The following PLPPR4 variants were observed in gnomAD, a reference collection of about 807,000 sequenced individuals.
PLPPR4 encodes phospholipid phosphatase-related protein type 4.
PLPPR4 carries 24 observed loss-of-function variants against 56.6 expected under a neutral mutation model. The ratio of observed to expected loss-of-function variants is 0.42; its 90% CI spans 0.31 to 0.60. PLPPR4 has a LOEUF of 0.60. Ranked by LOEUF, PLPPR4 falls within the 20% of genes least tolerant of loss-of-function variation. The probability of loss-of-function intolerance (pLI) is 0.13; values close to 1 mark genes in which losing one functional copy is unlikely to be tolerated. For synonymous variants in PLPPR4, 326 were observed against 328.1 expected, an observed-to-expected ratio of 0.99 and a Z score of 0.07; for missense variants, 654 against 885.8, an observed-to-expected ratio of 0.74 and a Z score of 3.32.
intron 1 of PLPPR4, among the ~76,000 whole-genome samples, chr1:99,282,630 T>C (rs563059714): frequency 1.6e-4 from 25 of 152,290 alleles, no homozygotes; most frequent in African/African-American, 6.0e-4. Context: ...CACCTCTGCT[T>C]GAACTCTCCA....
intron 2 of PLPPR4, among the ~76,000 whole-genome samples, chr1:99,290,331 TAGAA>T (rs1428330246): frequency 6.6e-6 from 1 of 152,086 alleles, no homozygotes; most frequent in Admixed American, 6.5e-5. Flanking sequence ...TACTCATGGA[TAGAA>T]AGAATCAATA....
rs1660131656 is a variant in PLPPR4 at position 99,309,522 on chromosome 1, A to G, written c.*2512A>G. The G allele has an allele frequency of 6.6e-6, 1 of 152,596 alleles. No individual in the cohort carries two copies. The highest frequency in any genetic ancestry group is 1.5e-5 in the Non-Finnish European group (1 of 68,016). 9.5% of individuals were successfully genotyped at this position (152,596 alleles called of 1,614,324 possible). A position where few individuals can be genotyped will look rare whatever the true frequency, so the allele number is the denominator to read the frequency against. On this transcript the variant is annotated 3_prime_UTR_variant, in exon 7 of 7. Coordinates refer to ENST00000370185, the MANE Select transcript of PLPPR4 (RefSeq NM_014839.5). ...ATGTATTTTGTTAAGTACAGATAAA[A>G]GCTATTGTGTGAGTATATTGTGCTA...
At chr1:99,282,397 C>G (rs1659352420) in intron 1 of PLPPR4, among the ~76,000 whole-genome samples, 2 of 152,178 alleles carry the variant, frequency 1.3e-5, no homozygotes, top group African/African-American at 4.8e-5. Flanking sequence ...CATGCATCCA[C>G]TAGAATGTAA....
In PLPPR4 at chr1:99,288,024, C is replaced by T. The variant is rs746053198; in HGVS notation, c.138C>T (p.Phe46=). The T allele has an allele frequency of 1.9e-6, 3 of 1,613,726 alleles. 1 individual carries two copies. In the South Asian group the frequency reaches 3.3e-5, roughly 18 times the overall value. The change falls in exon 2 of 7, where the codon TTC becomes TTT. Residue 46 remains phenylalanine (F), a synonymous_variant. Transcript: ENST00000370185. ...ATTTCCTCGAACTCACAGATGTCTT[C>T]AAACCTGTGCACTCTGGATTTAGCT... ...SLYFLELTDV[F]KPVHSGFSCY...
intron 1 of PLPPR4, among the ~76,000 whole-genome samples, chr1:99,278,439 A>G (rs1426779961): frequency 6.6e-6 from 1 of 152,156 alleles, no homozygotes; most frequent in Non-Finnish European, 1.5e-5. Context: ...GTAGCATTAA[A>G]TTACTATTAT....
In PLPPR4 at chr1:99,307,306, A is replaced by C; in HGVS notation, c.*296A>C. 3.0e-6 allele frequency: 1 copy of C among 329,892 alleles called. No homozygotes were observed. The allele number at this position is 329,892 out of a possible 1,614,324, so 20.4% of individuals were successfully genotyped here. A position where few individuals can be genotyped will look rare whatever the true frequency, so the allele number is the denominator to read the frequency against. On this transcript the variant is annotated 3_prime_UTR_variant, in exon 7 of 7. Transcript: ENST00000370185. Reference sequence around the variant, plus strand: ...ATCAAAAGAAAGTGGTTTTCTTCAAATGTATACTATTTTACTTCCTGAATG... The same window carrying C: ...ATCAAAAGAAAGTGGTTTTCTTCAACTGTATACTATTTTACTTCCTGAATG...
At position 99,296,734 on chromosome 1, in the gene PLPPR4, G is replaced by A; in HGVS notation, c.265-4G>A. On this transcript the variant is annotated splice_region_variant and splice_polypyrimidine_tract_variant and intron_variant, in intron 2 of 6. Coordinates refer to ENST00000370185, the MANE Select transcript of PLPPR4 (RefSeq NM_014839.5). ...TCTTCCTGAATACCCTTCTATCTTT[G>A]CAGATTATGGTAGGAGAAGGAATTC... is the stretch of plus-strand genomic sequence containing the variant. The A allele has an allele frequency of 6.3e-7, 1 of 1,592,540 alleles. No homozygotes were observed.
rs1384295627 is a variant in PLPPR4 at position 99,308,587 on chromosome 1, T to G, written c.*1577T>G. On this transcript the variant is annotated 3_prime_UTR_variant, in exon 7 of 7. Transcript: ENST00000370185. ...GGATGAAAGGAAACAACAGAGATGGTTGATCTGATCTTAGCTCACTTTCCA... is the reference window on the plus strand; with the variant it reads ...GGATGAAAGGAAACAACAGAGATGGGTGATCTGATCTTAGCTCACTTTCCA... 6.6e-6 allele frequency: 1 copy of G among 152,622 alleles called. No homozygotes were observed. Among genetic ancestry groups the G allele is most frequent in the Non-Finnish European group, 1.5e-5 (1 of 68,040 alleles). The allele number at this position is 152,622 out of a possible 1,614,324, so 9.5% of individuals were successfully genotyped here.
chr1:99,287,795 G>T (rs950853201), intron 1 of PLPPR4, among the ~76,000 whole-genome samples, 170 bp from the exon 2 acceptor site: 1 of 152,136 alleles, frequency 6.6e-6, no homozygotes, highest in African/African-American at 2.4e-5. Flanking sequence ...TGTGACTAAG[G>T]GGGGTGAATT....
intron 2 of PLPPR4, among the ~76,000 whole-genome samples, chr1:99,289,453 T>C (rs1385640422): frequency 6.6e-6 from 1 of 152,088 alleles, no homozygotes; most frequent in Non-Finnish European, 1.5e-5. Flanking sequence ...AACTTTATCA[T>C]ATTTGAAAGG....
upstream of PLPPR4, chr1:99,264,392 C>T: frequency 7.2e-7 from 1 of 1,379,970 alleles, no homozygotes; most frequent in African/African-American, 1.5e-5. Flanking sequence ...AGGACTGGCC[C>T]GCTCAGGGAA....
intron 5 of PLPPR4, 146 bp downstream of exon 5, chr1:99,301,112 C>T (rs1044497647): frequency 5.9e-6 from 4 of 680,444 alleles, no homozygotes; most frequent in Non-Finnish European, 1.0e-5. Flanking sequence ...ACAATGGCAT[C>T]CAAAGCAGAA....
At position 99,306,778 on chromosome 1, in the gene PLPPR4, G is replaced by T. The variant is rs1660041995; in HGVS notation, c.1916G>T (p.Arg639Ile). Residue 639 changes from arginine to isoleucine, a missense_variant, in exon 7 of 7, where the codon AGA (arginine) becomes ATA (isoleucine). By Grantham distance (97) the Arg-to-Ile change is moderately conservative. This residue lies in a region of PLPPR4 where 468 missense variants were observed against 554.3 expected (regional missense o/e 0.84). Transcript: ENST00000370185. The surrounding 1 kb of genome is among the most constrained non-coding windows in gnomAD (Gnocchi z 4.0). The stretch of plus-strand genomic sequence containing the variant: ...AGCTTTGGTTCTGGAGATCGCAAGA[G>T]AAGCAACATTGATAGCAATGAGCAT... The part of the protein sequence containing the change: ...KDSFGSGDRK[R>I]SNIDSNEHHH... 1 of 1,613,940 alleles carries T rather than the reference G, an allele frequency of 6.2e-7. No homozygotes were observed. The highest frequency in any genetic ancestry group is 8.5e-7 in the Non-Finnish European group (1 of 1,180,010).
chr1:99,302,365 T>A (rs758509885), intron 6 of PLPPR4, among the ~76,000 whole-genome samples: 3 of 152,210 alleles, frequency 2.0e-5, no homozygotes, highest in Admixed American at 1.3e-4. Context: ...AAGGGAAATA[T>A]CCTCAGCATA....
chr1:99,300,808 T>C lies in PLPPR4; in HGVS notation c.591-101T>C, dbSNP rs1365582305. ...GGTAAAATTATTGCTTATTGCCTTGTGACTTTTAAGTTGAACATTTTAACC... is the reference window on the plus strand; with the variant it reads ...GGTAAAATTATTGCTTATTGCCTTGCGACTTTTAAGTTGAACATTTTAACC... On this transcript the variant is annotated intron_variant, in intron 4 of 6. Transcript: ENST00000370185. 3 of 863,660 alleles carry C rather than the reference T, an allele frequency of 3.5e-6. No homozygotes were observed. In the African/African-American group the frequency reaches 5.0e-5, roughly 14 times the overall value. The allele number at this position is 863,660 out of a possible 1,614,324, so 53.5% of individuals were successfully genotyped here.
chr1:99,264,471 G>T (rs548255367), upstream of PLPPR4: 11 of 1,521,016 alleles, frequency 7.2e-6, no homozygotes, highest in African/African-American at 1.5e-4. Context: ...TGGCTCCAGC[G>T]GTGGCCGCGG....
intron 2 of PLPPR4, among the ~76,000 whole-genome samples, chr1:99,291,332 T>C (rs746433623): frequency 6.6e-6 from 1 of 151,832 alleles, no homozygotes; most frequent in Non-Finnish European, 1.5e-5. Flanking sequence ...GCTTATACAC[T>C]GTTGTGGGTT....
chr1:99,292,099 C>T (rs960246442), intron 2 of PLPPR4, among the ~76,000 whole-genome samples: 14 of 152,078 alleles, frequency 9.2e-5, no homozygotes, highest in Admixed American at 3.9e-4. Context: ...ATGATCATGC[C>T]TCTGTTATAA....
intron 6 of PLPPR4, among the ~76,000 whole-genome samples, chr1:99,303,502 A>G (rs1217151777): frequency 6.6e-6 from 1 of 152,170 alleles, no homozygotes; most frequent in Non-Finnish European, 1.5e-5. Context: ...TCATAAAAAT[A>G]AAAGGTAGCC....
Sources: gnomAD v4.1 joint callset for allele counts (sites outside exome capture counted in the v4.1 genomes callset) on GRCh38, gnomAD v4.1.1 for gene constraint, gnomAD v4.1.1 regional missense constraint, Gnocchi (gnomAD v3.1) non-coding constraint, MANE v1.5 for transcripts, NCBI Gene and HGNC (gene_info 2026-07-23, HGNC 2026-07-21) for gene names.